The following SFMBT2 variants were observed in gnomAD, a reference collection of about 807,000 sequenced individuals.
The protein encoded by SFMBT2 is Scm like with four mbt domains 2.
SFMBT2 carries 38 observed loss-of-function variants against 110.1 expected under a neutral mutation model. That is an observed-to-expected ratio of 0.35 (90% confidence interval 0.27 to 0.45). SFMBT2 has a LOEUF of 0.45. Ranked by LOEUF, SFMBT2 falls within the 20% of genes least tolerant of loss-of-function variation. The probability of loss-of-function intolerance (pLI) is 1.00; values close to 1 mark genes in which losing one functional copy is unlikely to be tolerated. For missense variants in SFMBT2, 1,011 were observed against 1,094.9 expected, an observed-to-expected ratio of 0.92 and a Z score of 1.08; for synonymous variants, 425 against 425.4, an observed-to-expected ratio of 1.00 and a Z score of 0.01.
chr10:7,398,599 T>G (rs1375534619), intron 1 of SFMBT2, among the ~76,000 whole-genome samples: 4 of 152,186 alleles, frequency 2.6e-5, no homozygotes, highest in African/African-American at 7.2e-5. Flanking sequence ...TTTTTTTTAT[T>G]TTTGTGGGTA....
chr10:7,405,017 T>C (rs575891077), intron 1 of SFMBT2, among the ~76,000 whole-genome samples: 3 of 152,364 alleles, frequency 2.0e-5, no homozygotes, highest in Non-Finnish European at 4.4e-5. Flanking sequence ...GACTTAAACA[T>C]AGAGCCAACA....
intron 9 of SFMBT2, among the ~76,000 whole-genome samples, chr10:7,235,257 G>A (rs1347656082): frequency 1.3e-5 from 2 of 152,054 alleles, no homozygotes; most frequent in Non-Finnish European, 2.9e-5. Context: ...TTTCCTAGTG[G>A]ATGGATAGAG....
At chr10:7,201,351 G>T (rs892975697) in intron 13 of SFMBT2, among the ~76,000 whole-genome samples, 5 of 152,186 alleles carry the variant, frequency 3.3e-5, no homozygotes, top group Admixed American at 1.3e-4. Context: ...CTCTCTAAGT[G>T]ACTGATGCAT....
At chr10:7,312,879 A>G (rs1228524989) in intron 4 of SFMBT2, among the ~76,000 whole-genome samples, 1 of 152,238 alleles carries the variant, frequency 6.6e-6, no homozygotes, top group Non-Finnish European at 1.5e-5. Flanking sequence ...GGAGAGGGAC[A>G]GCATTTCAAA....
At position 7,283,735 on chromosome 10, in the gene SFMBT2, T is replaced by C. The variant is rs562118352; in HGVS notation, c.772+169A>G. ...CCTTTGAGAACACTATTGATTGAGG[T>C]CTTAGGTTTTAGTCTCTATGGAAAG... is the stretch of plus-strand genomic sequence containing the variant. On this transcript the variant is annotated intron_variant, in intron 6 of 20. Coordinates refer to ENST00000397167, the MANE Select transcript of SFMBT2 (RefSeq NM_001387889.1). Among the ~76,000 whole-genome samples, 125 of 152,212 alleles carry C rather than the reference T, an allele frequency of 8.2e-4. 1 individual carries two copies. Among genetic ancestry groups the C allele is most frequent in the Non-Finnish European group, 1.5e-3 (104 of 68,036 alleles).
chr10:7,176,225 C>T, intron 16 of SFMBT2, 60 bp from the exon 17 acceptor site: 1 of 1,515,844 alleles, frequency 6.6e-7, no homozygotes, highest in Admixed American at 1.8e-5. Context: ...CAGGCCTATT[C>T]TGTACCACAC....
At chr10:7,376,085 G>A (rs1845200979) in intron 2 of SFMBT2, among the ~76,000 whole-genome samples, 1 of 152,144 alleles carries the variant, frequency 6.6e-6, no homozygotes, top group South Asian at 2.1e-4. Flanking sequence ...ACTTCATCAG[G>A]AAATTTCACG....
chr10:7,195,847 G>C (rs1354760674), intron 15 of SFMBT2, among the ~76,000 whole-genome samples: 1 of 152,158 alleles, frequency 6.6e-6, no homozygotes, highest in Non-Finnish European at 1.5e-5. Context: ...CCATCGACTG[G>C]ACGCTCATGT....
chr10:7,317,599 C>A (rs1303737125), intron 4 of SFMBT2, among the ~76,000 whole-genome samples: 2 of 143,632 alleles, frequency 1.4e-5, no homozygotes, highest in Non-Finnish European at 3.0e-5. Flanking sequence ...GAAGATCATG[C>A]CACTGCACTC....
In SFMBT2 at chr10:7,172,521, C is replaced by A. The variant is rs774454869; in HGVS notation, c.2125G>T (p.Val709Leu). The A allele has an allele frequency of 6.2e-7, 1 of 1,614,142 alleles. No individual in the cohort carries two copies. Among genetic ancestry groups the A allele is most frequent in the Non-Finnish European group, 8.5e-7 (1 of 1,180,032 alleles). The change falls in exon 18 of 21, where the codon GTG (valine) becomes TTG (leucine). Residue 709 changes from valine (V) to leucine (L), a missense_variant. By Grantham distance (32) the Val-to-Leu change is conservative (BLOSUM62 1). Around this residue, in one of 2 missense-constraint regions of SFMBT2, gnomAD observed 979 missense variants for 1,016.1 expected, o/e 0.96. Transcript: ENST00000397167. This position sits in a 1 kb window ranked among gnomAD's most constrained non-coding sequence, Gnocchi z 4.6. ...TCCCCCGAGCCCGCGGTGAAGTCCACGGCAGAAGACCTCCGTTTCTTCTGC... is the reference window on the plus strand; with the variant it reads ...TCCCCCGAGCCCGCGGTGAAGTCCAAGGCAGAAGACCTCCGTTTCTTCTGC... ...FVQKKRRSSA[V>L]DFTAGSGEES...
intron 4 of SFMBT2, among the ~76,000 whole-genome samples, chr10:7,359,345 G>C (rs1844634212): frequency 6.6e-6 from 1 of 152,238 alleles, no homozygotes; most frequent in African/African-American, 2.4e-5. Flanking sequence ...CTTACAAGGG[G>C]AGGTGGGGCA....
At chr10:7,317,908 A>C (rs1843064963) in intron 4 of SFMBT2, among the ~76,000 whole-genome samples, 1 of 152,214 alleles carries the variant, frequency 6.6e-6, no homozygotes, top group Non-Finnish European at 1.5e-5. Context: ...CTTCGTTATA[A>C]ATTCCAAAAA....
chr10:7,204,997 C>G, intron 12 of SFMBT2: 1 of 881,536 alleles, frequency 1.1e-6, no homozygotes, highest in South Asian at 5.2e-5. Context: ...ATTTCTGTAA[C>G]CAAAGGGACG....
At chr10:7,220,385 G>A (rs1260185196) in intron 11 of SFMBT2, 26 bp downstream of exon 11, 6 of 1,605,018 alleles carry the variant, frequency 3.7e-6, no homozygotes, top group African/African-American at 2.7e-5. Flanking sequence ...TCCCCCCAGC[G>A]ACTGCTACCC....
At chr10:7,251,518 T>C (rs143393957) in intron 7 of SFMBT2, among the ~76,000 whole-genome samples, 2,459 of 152,246 alleles carry the variant, frequency 0.016, 33 homozygotes, top group Admixed American at 0.021. Flanking sequence ...CCAGTACCCA[T>C]CAGCGGGAAA....
intron 8 of SFMBT2, among the ~76,000 whole-genome samples, chr10:7,245,382 C>T (rs1028620888): frequency 1.3e-5 from 2 of 152,120 alleles, no homozygotes; most frequent in Admixed American, 1.3e-4. Context: ...ATATAAAGAG[C>T]ATGTGATTTT....
At chr10:7,195,203 T>A (rs1001710261) in intron 15 of SFMBT2, among the ~76,000 whole-genome samples, 3 of 152,236 alleles carry the variant, frequency 2.0e-5, no homozygotes, top group African/African-American at 7.2e-5. Flanking sequence ...CTATTTCCGA[T>A]GGTGGCAGAA....
At chr10:7,205,373 G>A (rs1486152933) in intron 12 of SFMBT2, 1 of 979,200 alleles carries the variant, frequency 1.0e-6, no homozygotes, top group Non-Finnish European at 1.2e-6. Flanking sequence ...TTATAGGAAT[G>A]AGGCACTGTG....
At chr10:7,382,790 T>C (rs1236547702) in intron 1 of SFMBT2, among the ~76,000 whole-genome samples, 1 of 152,136 alleles carries the variant, frequency 6.6e-6, no homozygotes, top group Non-Finnish European at 1.5e-5. Flanking sequence ...AAAGCAGAAA[T>C]GGAGACAAGA....
Sources: allele counts gnomAD v4.1 joint callset (sites outside exome capture counted in the v4.1 genomes callset), GRCh38; gene constraint gnomAD v4.1.1; regional missense constraint gnomAD v4.1.1; non-coding constraint Gnocchi (gnomAD v3.1); transcripts MANE v1.5; gene names NCBI Gene and HGNC (gene_info 2026-07-23, HGNC 2026-07-21).